Variants in USH2A observed in about 807,000 individuals in gnomAD.
The protein encoded by USH2A is Usher syndrome 2A (autosomal recessive, mild).
USH2A carries 443 observed loss-of-function variants against 538.9 expected under a neutral mutation model. The ratio of observed to expected loss-of-function variants is 0.82; its 90% CI spans 0.76 to 0.89. USH2A has a LOEUF of 0.89. USH2A is among the 40% of genes least tolerant of loss of function. The pLI, the probability that USH2A is intolerant of heterozygous loss-of-function variation, is 0.00. For missense variants in USH2A, 6,633 were observed against 6,324.8 expected (o/e 1.05, Z -1.65); for synonymous variants, 2,413 against 2,273.5 (o/e 1.06, Z -1.75).
chr1:215,843,010 T>G (rs574946456), intron 46 of USH2A, among the ~76,000 whole-genome samples: 1 of 152,236 alleles, frequency 6.6e-6, no homozygotes, highest in East Asian at 1.9e-4. Context: ...AAATAATTAA[T>G]GTACCTTTCT....
intron 44 of USH2A, among the ~76,000 whole-genome samples, chr1:215,853,865 A>G (rs917203764): frequency 2.0e-5 from 3 of 152,204 alleles, no homozygotes; most frequent in African/African-American, 4.8e-5. Context: ...CATCATTATT[A>G]GCATTTTGGT....
intron 71 of USH2A, among the ~76,000 whole-genome samples, chr1:215,627,489 CTTCCTTCCTTCCTTCT>C (rs1558027670): frequency 2.1e-5 from 3 of 141,950 alleles, no homozygotes; most frequent in African/African-American, 5.2e-5. Flanking sequence ...TCCTTCTTTC[CTTCCTTCCTTCCTTCT>C]TTCCTTCCTT....
At chr1:216,009,781 C>G (rs571450680) in intron 32 of USH2A, among the ~76,000 whole-genome samples, 1 of 152,188 alleles carries the variant, frequency 6.6e-6, no homozygotes, top group Non-Finnish European at 1.5e-5. Context: ...TACACCCAGT[C>G]CGGCTTACAG....
At chr1:216,065,629 G>A (rs1487002515) in intron 30 of USH2A, among the ~76,000 whole-genome samples, 1 of 152,220 alleles carries the variant, frequency 6.6e-6, no homozygotes, top group African/African-American at 2.4e-5. Flanking sequence ...GGGTGCAGTG[G>A]CTCATGCCTG....
At chr1:216,341,881 A>G (rs2038083317) in intron 4 of USH2A, among the ~76,000 whole-genome samples, 1 of 152,190 alleles carries the variant, frequency 6.6e-6, no homozygotes, top group Non-Finnish European at 1.5e-5. Flanking sequence ...AAAACCCAAA[A>G]TCATTAAAAC....
chr1:215,728,204 T>C lies in USH2A; in HGVS notation c.11892A>G (p.Pro3964=). 1 of 1,614,076 alleles carries C rather than the reference T, an allele frequency of 6.2e-7. No homozygotes were observed. The highest frequency in any genetic ancestry group is 2.2e-5 in the East Asian group (1 of 44,858). The change falls in exon 61 of 72, where the codon CCA becomes CCG. Residue 3964 remains proline, a synonymous_variant. Coordinates refer to ENST00000307340, the MANE Select transcript of USH2A (RefSeq NM_206933.4). ...CCCAAGGAGCTGGAAAATCTTGAGG[T>C]GGAGCTTCCAGAGTTTGTGTTAATG... The part of the protein sequence containing the change: ...LWSLTQTLEA[P]PQDFPAPWAQ...
intron 71 of USH2A, among the ~76,000 whole-genome samples, chr1:215,628,371 C>A (rs1016869671): frequency 6.6e-6 from 1 of 152,090 alleles, no homozygotes; most frequent in South Asian, 2.1e-4. Flanking sequence ...CAACCTCCAC[C>A]TCCTGGGTTC....
At chr1:216,301,118 A>G (rs530977224) in intron 9 of USH2A, among the ~76,000 whole-genome samples, 1 of 152,316 alleles carries the variant, frequency 6.6e-6, no homozygotes, top group South Asian at 2.1e-4. Context: ...TGTGTAAAAT[A>G]CAAGTTTAAG....
chr1:216,417,712 T>A (rs2039601230), intron 3 of USH2A, among the ~76,000 whole-genome samples: 1 of 152,126 alleles, frequency 6.6e-6, no homozygotes, highest in Non-Finnish European at 1.5e-5. Flanking sequence ...CCCCAGAAGC[T>A]GAGCAGATGC....
chr1:215,628,386 A>G (rs980213140), intron 71 of USH2A, among the ~76,000 whole-genome samples: 1 of 151,862 alleles, frequency 6.6e-6, no homozygotes, highest in Non-Finnish European at 1.5e-5. Flanking sequence ...GGGTTCAAGC[A>G]ATTCTCCTGC....
At chr1:216,070,454 C>T (rs1306637377) in intron 29 of USH2A, among the ~76,000 whole-genome samples, 162 bp from the exon 30 acceptor site, 2 of 152,144 alleles carry the variant, frequency 1.3e-5, no homozygotes, top group Non-Finnish European at 2.9e-5. Context: ...TATGACTGCA[C>T]ATCTTGAGCC....
intron 64 of USH2A, among the ~76,000 whole-genome samples, chr1:215,657,714 T>C (rs1043144813): frequency 2.0e-5 from 3 of 152,150 alleles, no homozygotes; most frequent in Admixed American, 2.0e-4. Context: ...GGACATTGTC[T>C]TGCTTTCCAT....
At chr1:216,048,687 A>G in intron 30 of USH2A, 40 bp from the exon 31 acceptor site, 2 of 1,504,990 alleles carry the variant, frequency 1.3e-6, no homozygotes, top group Non-Finnish European at 1.9e-6. Context: ...CGTGTTTACC[A>G]TAAGCATCAA....
At chr1:215,766,625 C>T in intron 56 of USH2A, 56 bp downstream of exon 56, 2 of 1,499,776 alleles carry the variant, frequency 1.3e-6, no homozygotes, top group South Asian at 2.3e-5. Context: ...ACAGATTCCA[C>T]CTCAAAATGC....
intron 14 of USH2A, among the ~76,000 whole-genome samples, chr1:216,220,405 A>G (rs2035433321): frequency 1.4e-5 from 2 of 146,158 alleles, no homozygotes; most frequent in South Asian, 2.2e-4. Flanking sequence ...CGTATGCAAG[A>G]AAAAACGGAA....
chr1:215,627,026 TC>T (rs962929940), intron 71 of USH2A, among the ~76,000 whole-genome samples: 5 of 152,168 alleles, frequency 3.3e-5, no homozygotes, highest in Non-Finnish European at 7.3e-5. Context: ...TACAACAACA[TC>T]AAACAGCCTG....
At chr1:215,925,389 T>G (rs1458662251) in intron 38 of USH2A, among the ~76,000 whole-genome samples, 1 of 152,132 alleles carries the variant, frequency 6.6e-6, no homozygotes, top group Admixed American at 6.6e-5. Context: ...ATGGGTTGAT[T>G]TTTCCAGGGA....
chr1:215,784,959 A>G (rs965161929), intron 52 of USH2A, among the ~76,000 whole-genome samples: 15 of 152,222 alleles, frequency 9.9e-5, no homozygotes, highest in Admixed American at 8.5e-4. Context: ...TGGAAACTCA[A>G]TAATTTAAAA....
At chr1:216,045,176 AAGTTAATATCTCT>A (rs1223457180) in intron 32 of USH2A, among the ~76,000 whole-genome samples, 2 of 152,250 alleles carry the variant, frequency 1.3e-5, no homozygotes, top group East Asian at 3.9e-4. Context: ...CTTTATGAAG[AAGTTAATATCTCT>A]AGGCCTTGGT....
Sources: allele counts gnomAD v4.1 joint callset (sites outside exome capture counted in the v4.1 genomes callset), GRCh38; gene constraint gnomAD v4.1.1; transcripts MANE v1.5; gene names NCBI Gene and HGNC (gene_info 2026-07-23, HGNC 2026-07-21).